Variants in PSD3 observed in about 807,000 individuals in gnomAD.
The protein encoded by PSD3 is PH and SEC7 domain-containing protein 3.
Under a neutral mutation model 105.5 loss-of-function variants are expected in PSD3, and 49 were observed. The observed-to-expected ratio is 0.46, with a 90% CI of 0.37 to 0.59. The LOEUF (loss-of-function observed/expected upper bound fraction) is 0.59, where lower values mean the gene tolerates loss of function less well. Ranked by LOEUF, PSD3 falls within the 20% of genes least tolerant of loss-of-function variation. The pLI, the probability that PSD3 is intolerant of heterozygous loss-of-function variation, is 0.00. For missense variants in PSD3, 1,561 were observed against 1,263.8 expected (o/e 1.24, Z -3.57); for synonymous variants, 557 against 457.8 (o/e 1.22, Z -2.77).
chr8:18,594,753 T>C (rs2130533617), intron 12 of PSD3, among the ~76,000 whole-genome samples: 1 of 152,046 alleles, frequency 6.6e-6, no homozygotes, highest in African/African-American at 2.4e-5. Flanking sequence ...TGTATATCCT[T>C]CTGTACACGT....
intron 2 of PSD3, among the ~76,000 whole-genome samples, chr8:18,902,082 A>G (rs1047125907): frequency 6.6e-6 from 1 of 152,170 alleles, no homozygotes; most frequent in Admixed American, 6.6e-5. Flanking sequence ...CTGGCTCTAG[A>G]TGTCCATATC....
At chr8:18,720,121 CAT>C (rs1802858897) in intron 9 of PSD3, among the ~76,000 whole-genome samples, 2 of 152,036 alleles carry the variant, frequency 1.3e-5, no homozygotes, top group Admixed American at 1.3e-4. Flanking sequence ...ATGGGAAACT[CAT>C]ATATGTAGAG....
intron 10 of PSD3, among the ~76,000 whole-genome samples, chr8:18,652,247 C>T (rs1312009380): frequency 2.0e-5 from 3 of 151,874 alleles, no homozygotes; most frequent in African/African-American, 7.3e-5. Context: ...GAGGTCAGAG[C>T]TGTATATATA....
At chr8:18,885,348 C>T (rs1273106492) in intron 2 of PSD3, among the ~76,000 whole-genome samples, 2 of 152,132 alleles carry the variant, frequency 1.3e-5, no homozygotes, top group African/African-American at 2.4e-5. Context: ...CCCACAGTCT[C>T]GCTCACAGCA....
chr8:18,659,706 C>T (rs1425166774), intron 9 of PSD3, among the ~76,000 whole-genome samples: 1 of 152,162 alleles, frequency 6.6e-6, no homozygotes, highest in East Asian at 1.9e-4. Context: ...GCCACCGTTG[C>T]TAGGACACAT....
chr8:18,561,212 G>C (rs973905204), intron 14 of PSD3, among the ~76,000 whole-genome samples: 2 of 152,152 alleles, frequency 1.3e-5, no homozygotes, highest in Non-Finnish European at 2.9e-5. Context: ...CAATAGCTAA[G>C]ATCTAGAAGA....
chr8:18,764,706 G>T (rs958840602), intron 9 of PSD3, among the ~76,000 whole-genome samples: 1 of 151,976 alleles, frequency 6.6e-6, no homozygotes, highest in African/African-American at 2.4e-5. Flanking sequence ...TTCATTTAAA[G>T]AAATTGATTC....
intron 15 of PSD3, among the ~76,000 whole-genome samples, chr8:18,544,380 T>C (rs1800335946): frequency 6.6e-6 from 1 of 151,880 alleles, no homozygotes; most frequent in South Asian, 2.1e-4. Context: ...AGTTCCTGTA[T>C]GAAAGCTATG....
chr8:18,715,447 T>G (rs1310922408), intron 9 of PSD3, among the ~76,000 whole-genome samples: 1 of 152,214 alleles, frequency 6.6e-6, no homozygotes, highest in Non-Finnish European at 1.5e-5. Flanking sequence ...ATTTTGCTAT[T>G]CCTTGAATTA....
intron 1 of PSD3, among the ~76,000 whole-genome samples, chr8:19,049,341 G>C (rs112170007): frequency 6.6e-6 from 1 of 152,134 alleles, no homozygotes; most frequent in Non-Finnish European, 1.5e-5. Flanking sequence ...TAAGCCATAT[G>C]TTTGAATGAG....
At chr8:18,554,582 T>C (rs529023989) in intron 15 of PSD3, among the ~76,000 whole-genome samples, 1 of 152,146 alleles carries the variant, frequency 6.6e-6, no homozygotes, top group Non-Finnish European at 1.5e-5. Flanking sequence ...AAATGCTACA[T>C]TTGATAACAG....
intron 8 of PSD3, among the ~76,000 whole-genome samples, chr8:18,777,859 T>C (rs1210086471): frequency 1.3e-5 from 2 of 152,152 alleles, no homozygotes; most frequent in South Asian, 2.1e-4. Flanking sequence ...GTCCATGATA[T>C]CAACTTTTTA....
intron 1 of PSD3, among the ~76,000 whole-genome samples, chr8:19,023,831 C>T (rs1234926981): frequency 1.3e-5 from 2 of 152,140 alleles, no homozygotes; most frequent in East Asian, 3.8e-4. Flanking sequence ...ATAGGATACA[C>T]CGGATAAACG....
intron 12 of PSD3, among the ~76,000 whole-genome samples, chr8:18,592,315 T>A (rs975367461): frequency 3.3e-5 from 5 of 152,092 alleles, no homozygotes; most frequent in African/African-American, 1.2e-4. Flanking sequence ...ACGGGCCATT[T>A]GAAATTATCC....
At chr8:18,897,054 A>C (rs1161400379) in intron 2 of PSD3, among the ~76,000 whole-genome samples, 1 of 151,886 alleles carries the variant, frequency 6.6e-6, no homozygotes, top group Non-Finnish European at 1.5e-5. Context: ...TGATCCGCCC[A>C]CCTGAGCCTC....
intron 2 of PSD3, among the ~76,000 whole-genome samples, chr8:18,921,388 G>C (rs1446356468): frequency 6.6e-6 from 1 of 152,232 alleles, no homozygotes; most frequent in East Asian, 1.9e-4. Flanking sequence ...TAGGGGAGAT[G>C]CTTAAAATGT....
chr8:18,911,846 C>T (rs1390477226), intron 2 of PSD3, among the ~76,000 whole-genome samples: 4 of 152,156 alleles, frequency 2.6e-5, no homozygotes, highest in Non-Finnish European at 5.9e-5. Context: ...GCAGAGAACT[C>T]AGGTTTGAAC....
chr8:18,634,269 T>TC (rs1786595400), intron 10 of PSD3, among the ~76,000 whole-genome samples: 1 of 152,028 alleles, frequency 6.6e-6, no homozygotes, highest in African/African-American at 2.4e-5. Flanking sequence ...GCCTTTTTTT[T>TC]CTCTTTTGGT....
intron 9 of PSD3, among the ~76,000 whole-genome samples, chr8:18,687,860 G>A (rs1237226347): frequency 6.6e-6 from 1 of 151,992 alleles, no homozygotes; most frequent in African/African-American, 2.4e-5. Flanking sequence ...TCCGCCTCCC[G>A]GGTTCAAGTA....
Sources: gnomAD v4.1 joint callset for allele counts (sites outside exome capture counted in the v4.1 genomes callset) on GRCh38, gnomAD v4.1.1 for gene constraint, MANE v1.5 for transcripts, NCBI Gene and HGNC (gene_info 2026-07-23, HGNC 2026-07-21) for gene names.